MPP3: variants seen among roughly 807,000 people sequenced by gnomAD.
MPP3 encodes the protein MAGUK p55 subfamily member 3.
In MPP3, 48 loss-of-function variants were observed where a neutral mutation model predicts 80.7. The observed-to-expected ratio is 0.59, with a 90% CI of 0.47 to 0.76. MPP3 has a LOEUF of 0.76. MPP3 is among the 30% of genes least tolerant of loss of function. The pLI is 0.00. For missense variants in MPP3, 620 were observed against 763.0 expected (o/e 0.81, Z 2.21); for synonymous variants, 311 against 297.6 (o/e 1.04, Z -0.46).
Position 43,831,665 on chromosome 17 carries a change from GTT to G in MPP3, c.36_37del (p.Glu12AspfsTer12). ...GAGCTGGGAGGTCAGCAGGGCCAGG[GTT>G]TCATGCAAACCTGGGGAGAGGTGAG... On this transcript the variant is annotated frameshift_variant, in exon 4 of 20. Coordinates refer to ENST00000398389, the MANE Select transcript of MPP3 (RefSeq NM_001932.6). LOFTEE classifies it high-confidence loss of function. 6.2e-7 allele frequency: 1 copy of G among 1,610,858 alleles called. No homozygotes were observed. Among genetic ancestry groups the G allele is most frequent in the Non-Finnish European group, 8.5e-7 (1 of 1,177,794 alleles).
At chr17:43,817,029 C>T (rs2045178088) in intron 12 of MPP3, among the ~76,000 whole-genome samples, 1 of 152,180 alleles carries the variant, frequency 6.6e-6, no homozygotes, top group South Asian at 2.1e-4. Flanking sequence ...TAGGATCCTG[C>T]GGTGGGAATA....
Position 43,814,200 on chromosome 17 carries a change from T to G in MPP3, c.1171A>C (p.Ile391Leu). 6.2e-7 allele frequency: 1 copy of G among 1,613,130 alleles called. No individual in the cohort carries two copies. Among genetic ancestry groups the G allele is most frequent in the Non-Finnish European group, 8.5e-7 (1 of 1,179,666 alleles). ...GGAAACCCAGGATGGCACCTACCGA[T>G]CAGAACCACCAGGCGGGGCCGCTCT... is the stretch of plus-strand genomic sequence containing the variant. ...PGERPRLVVL[I>L]GSLGARLHEL... The change falls in exon 15 of 20, where the codon ATC becomes CTC. Residue 391 changes from isoleucine (I) to leucine (L), a missense_variant. Ile to Leu is a conservative substitution (Grantham distance 5). Coordinates refer to ENST00000398389, the MANE Select transcript of MPP3 (RefSeq NM_001932.6).
In MPP3 at chr17:43,816,699, T is replaced by C; in HGVS notation, c.947-2A>G. 6.3e-7 allele frequency: 1 copy of C among 1,575,820 alleles called. No individual in the cohort carries two copies. The highest frequency in any genetic ancestry group is 8.6e-7 in the Non-Finnish European group (1 of 1,159,938). ...TACCTTTGTCACAAGGCTGATCATC[T>C]GCGGTTTGCACAAAAGACAGATGGA... is the stretch of plus-strand genomic sequence containing the variant. On this transcript the variant is annotated splice_acceptor_variant, in intron 12 of 19. Coordinates refer to ENST00000398389, the MANE Select transcript of MPP3 (RefSeq NM_001932.6). LOFTEE classifies it high-confidence loss of function.
At chr17:43,805,330 G>T (rs774689209) in intron 19 of MPP3, among the ~76,000 whole-genome samples, 6 of 152,216 alleles carry the variant, frequency 3.9e-5, no homozygotes, top group African/African-American at 7.2e-5. Flanking sequence ...ACAAGGGCTG[G>T]TGAGGATGTG....
At chr17:43,803,985 G>A (rs575205340) in intron 19 of MPP3, among the ~76,000 whole-genome samples, 2 of 152,252 alleles carry the variant, frequency 1.3e-5, no homozygotes, top group South Asian at 4.2e-4. Flanking sequence ...GGAATAGAAT[G>A]CAGCTGCTTC....
intron 4 of MPP3, 119 bp from the exon 5 acceptor site, chr17:43,831,440 G>A (rs2045955585): frequency 7.5e-7 from 1 of 1,336,036 alleles, no homozygotes; most frequent in Admixed American, 1.7e-5. Flanking sequence ...AAAGTCCTGT[G>A]TAGTGGGCAA....
chr17:43,830,882 C>A (rs1393247336), intron 5 of MPP3, among the ~76,000 whole-genome samples: 1 of 152,214 alleles, frequency 6.6e-6, no homozygotes, highest in East Asian at 1.9e-4. Context: ...TTCAGGAAAG[C>A]ACAGACATAA....
chr17:43,804,936 C>T (rs1038168261), intron 19 of MPP3, among the ~76,000 whole-genome samples: 4 of 152,034 alleles, frequency 2.6e-5, no homozygotes, highest in African/African-American at 4.8e-5. Flanking sequence ...GAGAATCACT[C>T]GAACCTGGGA....
Position 43,801,597 on chromosome 17 carries a change from A to T in MPP3, c.*104T>A. Reference sequence around the variant, plus strand: ...CTTCTCGATGATGGAATTTGTGGAGAATTCTCTCCCTCTCTGCGCTTGAGA... The same window carrying T: ...CTTCTCGATGATGGAATTTGTGGAGTATTCTCTCCCTCTCTGCGCTTGAGA... On this transcript the variant is annotated 3_prime_UTR_variant, in exon 20 of 20. Coordinates refer to ENST00000398389, the MANE Select transcript of MPP3 (RefSeq NM_001932.6). 8.9e-7 allele frequency: 1 copy of T among 1,125,502 alleles called. No individual in the cohort carries two copies. Among genetic ancestry groups the T allele is most frequent in the Non-Finnish European group, 1.3e-6 (1 of 766,358 alleles). 69.7% of individuals were successfully genotyped at this position (1,125,502 alleles called of 1,614,324 possible). A position where few individuals can be genotyped will look rare whatever the true frequency, so the allele number is the denominator to read the frequency against.
chr17:43,818,651 G>A (rs1368860424), intron 11 of MPP3, among the ~76,000 whole-genome samples: 3 of 152,144 alleles, frequency 2.0e-5, no homozygotes, highest in African/African-American at 4.8e-5. Flanking sequence ...AGGGCCGGGC[G>A]TGGTGGCTCA....
At chr17:43,809,314 G>A (rs1226470068) in intron 18 of MPP3, among the ~76,000 whole-genome samples, 1 of 152,130 alleles carries the variant, frequency 6.6e-6, no homozygotes, top group Non-Finnish European at 1.5e-5. Flanking sequence ...GCCAACAGAA[G>A]GTTCCTAAGC....
At chr17:43,809,196 G>A in intron 18 of MPP3, 118 bp from the exon 19 acceptor site, 2 of 1,065,038 alleles carry the variant, frequency 1.9e-6, no homozygotes, top group East Asian at 2.6e-5. Flanking sequence ...AAAGGTCCTG[G>A]TTACATGGGT....
At chr17:43,808,817 G>T in intron 19 of MPP3, 139 bp downstream of exon 19, 1 of 1,015,622 alleles carries the variant, frequency 9.8e-7, no homozygotes, top group Non-Finnish European at 1.4e-6. Context: ...TTTTCAATAG[G>T]CAAAATGGAA....
At chr17:43,827,991 C>T (rs977711245) in intron 7 of MPP3, among the ~76,000 whole-genome samples, 159 bp from the exon 8 acceptor site, 1 of 152,208 alleles carries the variant, frequency 6.6e-6, no homozygotes, top group African/African-American at 2.4e-5. Flanking sequence ...AAACCAACAT[C>T]CCCCATTAAT....
At chr17:43,822,893 C>T (rs1188556184) in intron 10 of MPP3, among the ~76,000 whole-genome samples, 2 of 152,036 alleles carry the variant, frequency 1.3e-5, no homozygotes, top group East Asian at 1.9e-4. Flanking sequence ...AGGAATTAAT[C>T]CCCCGGGTGC....
At position 43,830,101 on chromosome 17, in the gene MPP3, C is replaced by T; in HGVS notation, c.229G>A (p.Glu77Lys). 6.5e-7 allele frequency: 1 copy of T among 1,540,674 alleles called. No homozygotes were observed. ...SAVALAEDVM[E>K]ELQAASVHSD... ...TGCACGGAGGCGGCCTGCAACTCCT[C>T]CATCACCTGCAGAGAATGAGACAGG... The change falls in exon 6 of 20, where the codon GAG (glutamate) becomes AAG (lysine). Residue 77 changes from glutamate (E) to lysine (K), a missense_variant. Physicochemically the swap from Glu to Lys is moderately conservative, Grantham distance 56. Coordinates refer to ENST00000398389, the MANE Select transcript of MPP3 (RefSeq NM_001932.6).
In MPP3 at chr17:43,801,732, G is replaced by C. The variant is rs1456344781; in HGVS notation, c.1727C>G (p.Thr576Ser). Reference sequence around the variant, plus strand: ...GACCCAACTAACAGGTACCCAGTGAGTGTCCTTGCTCAGCTTCTCTAAGAC... The same window carrying C: ...GACCCAACTAACAGGTACCCAGTGACTGTCCTTGCTCAGCTTCTCTAAGAC... The part of the protein sequence containing the change: ...KVVLEKLSKD[T>S]HWVPVSWVR The change falls in exon 20 of 20, where the codon ACT becomes AGT. Residue 576 changes from threonine (T) to serine (S), a missense_variant. Transcript: ENST00000398389. 4 of 1,614,128 alleles carry C rather than the reference G, an allele frequency of 2.5e-6. No homozygotes were observed. The highest frequency in any genetic ancestry group is 2.5e-6 in the Non-Finnish European group (3 of 1,180,014).
rs374905234 is a variant in MPP3, at chr17:43,814,274, G to T, written c.1097C>A (p.Pro366Gln). 1 of 1,613,096 alleles carries T rather than the reference G, an allele frequency of 6.2e-7. No homozygotes were observed. Among genetic ancestry groups the T allele is most frequent in the Admixed American group, 1.7e-5 (1 of 60,022 alleles). ...CACCTCTTCGTAAGTCAGCAGCTCC[G>T]GAGACTCAGCTCCGGAGGACATCTT... is the stretch of plus-strand genomic sequence containing the variant. ...EGKMSSGAES[P>Q]ELLTYEEVAR... The change falls in exon 15 of 20, where the codon CCG becomes CAG. Residue 366 changes from proline to glutamine, a missense_variant. Transcript: ENST00000398389.
rs1197762707 is a variant in MPP3, at chr17:43,823,962, G to A, written c.653C>T (p.Thr218Ile). Reference sequence around the variant, plus strand: ...CTCCTTTAAGCGATCTTCCTCCTGGGTGGCTGGGATGATTTTTAGGGTGAT... The same window carrying A: ...CTCCTTTAAGCGATCTTCCTCCTGGATGGCTGGGATGATTTTTAGGGTGAT... ...GSITLKIIPA[T>I]QEEDRLKESK... Residue 218 changes from threonine to isoleucine, a missense_variant, in exon 10 of 20, where the codon ACC becomes ATC. Thr to Ile is a moderately conservative substitution (Grantham distance 89, BLOSUM62 -1). Transcript: ENST00000398389. The A allele has an allele frequency of 6.2e-7, 1 of 1,609,846 alleles. No individual in the cohort carries two copies. Among genetic ancestry groups the A allele is most frequent in the East Asian group, 2.3e-5 (1 of 44,386 alleles).
Sources: gnomAD v4.1 joint callset for allele counts (sites outside exome capture counted in the v4.1 genomes callset) on GRCh38, gnomAD v4.1.1 for gene constraint, MANE v1.5 for transcripts, NCBI Gene and HGNC (gene_info 2026-07-23, HGNC 2026-07-21) for gene names.